Variants in STK3 observed in about 807,000 individuals in gnomAD.
STK3 encodes the protein serine/threonine-protein kinase 3.
STK3 carries 41 observed loss-of-function variants against 58.0 expected under a neutral mutation model. That is an observed-to-expected ratio of 0.71 (90% CI 0.55 to 0.92). STK3 has a LOEUF of 0.92. STK3 is among the 40% of genes least tolerant of loss of function. The pLI, the probability that STK3 is intolerant of heterozygous loss-of-function variation, is 0.00. For missense variants in STK3, 479 were observed against 602.7 expected (o/e 0.79, Z 2.15); for synonymous variants, 170 against 191.0 (o/e 0.89, Z 0.91).
At chr8:98,897,446 C>A (rs1424655202) in intron 1 of STK3, among the ~76,000 whole-genome samples, 3 of 151,940 alleles carry the variant, frequency 2.0e-5, no homozygotes, top group Non-Finnish European at 2.9e-5. Context: ...GCCTGTAGTC[C>A]CAGCTACTCC....
At chr8:98,366,723 C>G (rs185607961), downstream of STK3, among the ~76,000 whole-genome samples, 5 of 152,300 alleles carry the variant, frequency 3.3e-5, no homozygotes, top group East Asian at 9.6e-4. Context: ...TCCACCCACC[C>G]CCACCTGGCT....
chr8:98,710,786 G>A (rs531988248), intron 4 of STK3, among the ~76,000 whole-genome samples: 7 of 152,344 alleles, frequency 4.6e-5, no homozygotes, highest in African/African-American at 1.4e-4. Flanking sequence ...TCTTTGAAGA[G>A]AGTAGTGGTT....
chr8:98,891,641 G>A (rs1345955191), intron 1 of STK3, among the ~76,000 whole-genome samples: 3 of 151,870 alleles, frequency 2.0e-5, no homozygotes, highest in Non-Finnish European at 4.4e-5. Context: ...GAGAGAGAGA[G>A]AGAGAGAGAT....
intron 10 of STK3, among the ~76,000 whole-genome samples, chr8:98,460,572 C>T (rs1213238952): frequency 1.3e-5 from 2 of 152,282 alleles, no homozygotes; most frequent in East Asian, 1.9e-4. Flanking sequence ...TTGGCTGTGT[C>T]CCCACTCAAA....
At chr8:98,654,984 C>T (rs1378345938) in intron 6 of STK3, among the ~76,000 whole-genome samples, 3 of 151,734 alleles carry the variant, frequency 2.0e-5, no homozygotes, top group South Asian at 2.1e-4. Context: ...GAAAAAAGTA[C>T]TTTAAAGTTC....
At chr8:98,443,102 A>T (rs776451080) in intron 1 of STK3, among the ~76,000 whole-genome samples, 15 of 152,156 alleles carry the variant, frequency 9.9e-5, no homozygotes, top group Non-Finnish European at 2.2e-4. Flanking sequence ...CATGCTTTCT[A>T]AAGAACTCCA....
rs1213371255 is a variant in STK3 at position 98,589,823 on chromosome 8, G to A, written c.822+6209C>T. ...TGGTGCACCATTTTTTAAGCCCGTC[G>A]GAAAAGTGCAGTATTAGGGTGGGAG... On this transcript the variant is annotated intron_variant, in intron 7 of 10. Coordinates refer to ENST00000419617, the MANE Select transcript of STK3 (RefSeq NM_006281.4). Among the ~76,000 whole-genome samples the A allele has an allele frequency of 5.9e-5, 9 of 152,170 alleles. No individual in the cohort carries two copies. The South Asian group carries it at 6.2e-4, about 11-fold the overall frequency.
At chr8:98,435,685 G>T (rs1317792137) in intron 2 of STK3, among the ~76,000 whole-genome samples, 2 of 152,124 alleles carry the variant, frequency 1.3e-5, no homozygotes, top group African/African-American at 4.8e-5. Flanking sequence ...TTCTGGCTGG[G>T]TTGGTGGCTG....
intron 1 of STK3, among the ~76,000 whole-genome samples, chr8:98,448,485 G>A (rs1164910409): frequency 6.6e-6 from 1 of 152,152 alleles, no homozygotes; most frequent in Non-Finnish European, 1.5e-5. Context: ...CATAGAATAA[G>A]TGGAAAGGCT....
chr8:98,555,250 T>C (rs913564435), intron 8 of STK3, among the ~76,000 whole-genome samples: 1 of 152,166 alleles, frequency 6.6e-6, no homozygotes, highest in Non-Finnish European at 1.5e-5. Context: ...TTGTAATATC[T>C]ACTACCTTAA....
intron 6 of STK3, chr8:98,597,736 A>G (rs1815952701): frequency 7.1e-6 from 7 of 985,216 alleles, no homozygotes; most frequent in Non-Finnish European, 8.4e-6. Flanking sequence ...GGTCCCTTTA[A>G]ATATCAGACC....
At chr8:98,639,943 T>C (rs1445209096) in intron 6 of STK3, among the ~76,000 whole-genome samples, 1 of 152,144 alleles carries the variant, frequency 6.6e-6, no homozygotes, top group Non-Finnish European at 1.5e-5. Context: ...AAACCCCATC[T>C]TTACTAAAAA....
At chr8:98,774,851 T>C in intron 1 of STK3, 32 bp from the exon 2 acceptor site, 1 of 1,487,282 alleles carries the variant, frequency 6.7e-7, no homozygotes, top group African/African-American at 1.4e-5. Context: ...AAAGAAAATA[T>C]TTTCTTTAAA....
chr8:98,910,185 G>C (rs78715123), intron 1 of STK3, among the ~76,000 whole-genome samples: 1 of 151,990 alleles, frequency 6.6e-6, no homozygotes, highest in East Asian at 1.9e-4. Context: ...ATTTTTAATT[G>C]GATAATTTGT....
downstream of STK3, among the ~76,000 whole-genome samples, chr8:98,370,851 GGTT>G (rs1441633513): frequency 6.6e-6 from 1 of 152,182 alleles, no homozygotes; most frequent in Non-Finnish European, 1.5e-5. Flanking sequence ...GATGATCTTT[GGTT>G]GTTTTCTTTA....
chr8:98,709,479 CCAGA>C (rs1826226821), intron 4 of STK3, among the ~76,000 whole-genome samples: 1 of 152,090 alleles, frequency 6.6e-6, no homozygotes, highest in Non-Finnish European at 1.5e-5. Flanking sequence ...GATATCAAAG[CCAGA>C]CAAAGTTACC....
At chr8:98,723,849 T>C (rs1002359129) in intron 4 of STK3, among the ~76,000 whole-genome samples, 1 of 152,264 alleles carries the variant, frequency 6.6e-6, no homozygotes, top group Admixed American at 6.5e-5. Context: ...CACAGTCTTT[T>C]AAGGCCTGGA....
chr8:98,407,755 T>TGTGC (rs61595218), intron 3 of STK3, among the ~76,000 whole-genome samples: 14 of 102,976 alleles, frequency 1.4e-4, no homozygotes, highest in African/African-American at 3.7e-4. Context: ...TGTGTGTGTG[T>TGTGC]GTGCGCGCGC....
At chr8:98,564,942 TATAAG>T (rs886258811) in intron 8 of STK3, among the ~76,000 whole-genome samples, 51 of 152,254 alleles carry the variant, frequency 3.3e-4, no homozygotes, top group African/African-American at 1.2e-3. Context: ...ATCATACGAA[TATAAG>T]ATATTAATAA....
Sources: gnomAD v4.1 joint callset for allele counts (sites outside exome capture counted in the v4.1 genomes callset) on GRCh38, gnomAD v4.1.1 for gene constraint, MANE v1.5 for transcripts, NCBI Gene and HGNC (gene_info 2026-07-23, HGNC 2026-07-21) for gene names.